The following AOC1 variants were observed in gnomAD, a reference collection of about 807,000 sequenced individuals.
The protein encoded by AOC1 is diamine oxidase [copper-containing].
AOC1 carries 58 observed loss-of-function variants against 57.1 expected under a neutral mutation model. The observed-to-expected ratio is 1.02, with a 90% CI of 0.82 to 1.26. The LOEUF (loss-of-function observed/expected upper bound fraction) is 1.26, where lower values mean the gene tolerates loss of function less well. Among genes scored for constraint, AOC1 ranks in the 50% most tolerant of loss-of-function variants. AOC1 has a pLI of 0.00. For synonymous variants in AOC1, 401 were observed against 423.4 expected (o/e 0.95, Z 0.65); for missense variants, 917 against 1,005.3 (o/e 0.91, Z 1.19).
rs1273757747 is a variant in AOC1 at position 150,856,423 on chromosome 7, C to T, written c.-16-32C>T. ...GGGAAGCCCATCTCTGCCCATAAGACAACTAAGTTCATCTCCTCTATTGCA... is the reference window on the plus strand; with the variant it reads ...GGGAAGCCCATCTCTGCCCATAAGATAACTAAGTTCATCTCCTCTATTGCA... On this transcript the variant is annotated intron_variant, in intron 1 of 4. Transcript: ENST00000360937. The surrounding 1 kb of genome is among the most constrained non-coding windows in gnomAD (Gnocchi z 5.2). 6.4e-7 allele frequency: 1 copy of T among 1,560,074 alleles called. No individual in the cohort carries two copies. The highest frequency in any genetic ancestry group is 2.2e-5 in the East Asian group (1 of 44,576).
At chr7:150,860,187 A>AAAAAG (rs370129210) in intron 3 of AOC1, among the ~76,000 whole-genome samples, 4 of 144,006 alleles carry the variant, frequency 2.8e-5, no homozygotes, top group South Asian at 2.1e-4. Context: ...AAAAAAAAAG[A>AAAAAG]AAAAGAAAAG....
rs751237363 is a variant in AOC1, at chr7:150,856,853, T to C, written c.383T>C (p.Leu128Pro). Residue 128 changes from leucine (L) to proline (P), a missense_variant, in exon 2 of 5, where the codon CTG becomes CCG. Coordinates refer to ENST00000360937, the MANE Select transcript of AOC1 (RefSeq NM_001091.4). The surrounding 1 kb of genome is among the most constrained non-coding windows in gnomAD (Gnocchi z 5.2). ...PLPGPCYMRA[L>P]SPRPGYQSSW... ...CCAGGGCCCTGCTACATGCGAGCAC[T>C]GTCCCCCAGGCCTGGGTACCAGTCC... The C allele has an allele frequency of 8.7e-6, 14 of 1,614,050 alleles. No homozygotes were observed. In the South Asian group the frequency reaches 9.9e-5, roughly 11 times the overall value.
At chr7:150,853,555 T>G (rs1418215156) in intron 1 of AOC1, among the ~76,000 whole-genome samples, 2 of 149,202 alleles carry the variant, frequency 1.3e-5, no homozygotes, top group Non-Finnish European at 1.5e-5. Context: ...AAAAGTCTAT[T>G]AAAAAAAAAG....
rs760642299 is a variant in AOC1, at chr7:150,857,827, C to A, written c.1357C>A (p.Arg453=). 4.3e-6 allele frequency: 7 copies of A among 1,614,018 alleles called. No individual in the cohort carries two copies. The highest frequency in any genetic ancestry group is 5.1e-6 in the Non-Finnish European group (6 of 1,179,972). The part of the protein sequence containing the change: ...AGLKGQVLVL[R]TTSTVYNYDY... ...GCTGAAGGGCCAGGTGCTGGTGCTG[C>A]GGACAACTTCAACTGTCTACAATTA... The change falls in exon 2 of 5, where the codon CGG becomes AGG. Residue 453 remains arginine, a synonymous_variant. Coordinates refer to ENST00000360937, the MANE Select transcript of AOC1 (RefSeq NM_001091.4). This position sits in a 1 kb window ranked among gnomAD's most constrained non-coding sequence, Gnocchi z 6.6.
rs1472525163 is a variant in AOC1, at chr7:150,859,020, C to G, written c.1828C>G (p.Gln610Glu). ...CGACCAGGTGCTGCCCCCAGGCTGGCAGGAGGAGCAGGCCATCACCTGGGC... is the reference window on the plus strand; with the variant it reads ...CGACCAGGTGCTGCCCCCAGGCTGGGAGGAGGAGCAGGCCATCACCTGGGC... ...MADQVLPPGW[Q>E]EEQAITWARY... Residue 610 changes from glutamine to glutamate, a missense_variant, in exon 3 of 5, where the codon CAG (glutamine) becomes GAG (glutamate). Coordinates refer to ENST00000360937, the MANE Select transcript of AOC1 (RefSeq NM_001091.4). The G allele has an allele frequency of 2.5e-6, 4 of 1,583,864 alleles. No individual in the cohort carries two copies. The African/African-American group carries it at 5.4e-5, about 21-fold the overall frequency.
chr7:150,857,675 A>G lies in AOC1; in HGVS notation c.1205A>G (p.His402Arg), dbSNP rs747075866. The G allele has an allele frequency of 1.9e-6, 3 of 1,614,022 alleles. No individual in the cohort carries two copies. The highest frequency in any genetic ancestry group is 1.1e-5 in the South Asian group (1 of 91,074). Residue 402 changes from histidine (H) to arginine (R), a missense_variant, in exon 2 of 5, where the codon CAC becomes CGC. His to Arg is a conservative substitution (Grantham distance 29, BLOSUM62 0). Transcript: ENST00000360937. The surrounding 1 kb of genome is among the most constrained non-coding windows in gnomAD (Gnocchi z 6.6). The part of the protein sequence containing the change: ...PETATFLDTF[H>R]YYDADDPVHY... The stretch of plus-strand genomic sequence containing the variant: ...ACCGCCACCTTCCTGGACACTTTCC[A>G]CTACTATGATGCCGATGACCCGGTC...
intron 3 of AOC1, 80 bp from the exon 4 acceptor site, chr7:150,860,421 C>T: frequency 6.2e-7 from 1 of 1,606,176 alleles, no homozygotes; most frequent in South Asian, 1.1e-5. Context: ...TCTATTCTGA[C>T]CCTGAGGCTG....
In AOC1 at chr7:150,858,835, G is replaced by C. The variant is rs779649092; in HGVS notation, c.1643G>C (p.Arg548Pro). Residue 548 changes from arginine (R) to proline (P), a missense_variant, in exon 3 of 5, where the codon CGC becomes CCC. Arg to Pro is a moderately radical substitution (Grantham distance 103). Coordinates refer to ENST00000360937, the MANE Select transcript of AOC1 (RefSeq NM_001091.4). ...NITNPWSPRH[R>P]VVQPTLEQTQ... Reference sequence around the variant, plus strand: ...ACCAACCCCTGGAGCCCAAGACACCGCGTGGTCCAGCCAACTCTGGAGCAG... The same window carrying C: ...ACCAACCCCTGGAGCCCAAGACACCCCGTGGTCCAGCCAACTCTGGAGCAG... 4 of 1,613,734 alleles carry C rather than the reference G, an allele frequency of 2.5e-6. No homozygotes were observed. The Admixed American group carries it at 5.0e-5, about 20-fold the overall frequency.
rs200258999 is a variant in AOC1 at position 150,858,894 on chromosome 7, C to T, written c.1702C>T (p.Arg568Cys). 2.2e-4 allele frequency: 352 copies of T among 1,613,614 alleles called. 1 individual carries two copies. In the Middle Eastern group the frequency reaches 4.1e-3, roughly 19 times the overall value. ...QYSWERQAAF[R>C]FKRKLPKYLL... Reference sequence around the variant, plus strand: ...CTCCTGGGAGCGCCAGGCGGCCTTCCGCTTCAAAAGGAAGCTGCCTAAGTA... The same window carrying T: ...CTCCTGGGAGCGCCAGGCGGCCTTCTGCTTCAAAAGGAAGCTGCCTAAGTA... Residue 568 changes from arginine to cysteine, a missense_variant, in exon 3 of 5, where the codon CGC becomes TGC. Physicochemically the swap from Arg to Cys is radical, Grantham distance 180. Coordinates refer to ENST00000360937, the MANE Select transcript of AOC1 (RefSeq NM_001091.4).
At position 150,861,002 on chromosome 7, in the gene AOC1, C is replaced by A. The variant is rs779280780; in HGVS notation, c.2049C>A (p.Pro683=). The A allele has an allele frequency of 6.2e-7, 1 of 1,613,908 alleles. No homozygotes were observed. Among genetic ancestry groups the A allele is most frequent in the African/African-American group, 1.3e-5 (1 of 74,972 alleles). Residue 683 remains proline (P), a synonymous_variant, in exon 5 of 5, where the codon CCC becomes CCA. Transcript: ENST00000360937. The surrounding 1 kb of genome is among the most constrained non-coding windows in gnomAD (Gnocchi z 4.5). ...ACATCCCCCACTCAGAGGACATTCCCAACACAGCCACACCTGGGAACTCCG... is the reference window on the plus strand; with the variant it reads ...ACATCCCCCACTCAGAGGACATTCCAAACACAGCCACACCTGGGAACTCCG... ...FLHIPHSEDI[P]NTATPGNSVG...
chr7:150,858,328 C>G (rs1160748668), intron 2 of AOC1, among the ~76,000 whole-genome samples: 1 of 152,124 alleles, frequency 6.6e-6, no homozygotes, highest in Non-Finnish European at 1.5e-5. Flanking sequence ...ATGTCACTGT[C>G]TAGCGCTTTG....
intron 2 of AOC1, among the ~76,000 whole-genome samples, 174 bp downstream of exon 2, chr7:150,858,214 C>T (rs1157103883): frequency 6.6e-6 from 1 of 152,154 alleles, no homozygotes; most frequent in African/African-American, 2.4e-5. Context: ...ATGGTGAAAG[C>T]GAACAGTGCC....
rs1799794341 is a variant in AOC1 at position 150,856,908 on chromosome 7, A to G, written c.438A>G (p.Ala146=). ...SSWASRPIST[A]EYALLYHTLQ... ...GGGCATCGAGGCCCATCTCCACAGC[A>G]GAGTATGCCCTCCTCTACCACACCC... Residue 146 remains alanine (A), a synonymous_variant, in exon 2 of 5, where the codon GCA becomes GCG. Coordinates refer to ENST00000360937, the MANE Select transcript of AOC1 (RefSeq NM_001091.4). This position sits in a 1 kb window ranked among gnomAD's most constrained non-coding sequence, Gnocchi z 5.2. The G allele has an allele frequency of 6.2e-7, 1 of 1,614,116 alleles. No individual in the cohort carries two copies. The highest frequency in any genetic ancestry group is 8.5e-7 in the Non-Finnish European group (1 of 1,179,982).
Position 150,861,390 on chromosome 7 carries a change from GCA to G in AOC1, c.*192_*193del, listed in dbSNP as rs146490557. The G allele has an allele frequency of 3.1e-4, 194 of 623,182 alleles. No homozygotes were observed. Among genetic ancestry groups the G allele is most frequent in the South Asian group, 7.0e-4 (25 of 35,680 alleles). The allele number at this position is 623,182 out of a possible 1,614,324, so 38.6% of individuals were successfully genotyped here. A position where few individuals can be genotyped will look rare whatever the true frequency, so the allele number is the denominator to read the frequency against. ...CAGACGTGCACACACACACAGACAT[GCA>G]CACACACACAGACGTGCACACACAC... is the stretch of plus-strand genomic sequence containing the variant. On this transcript the variant is annotated 3_prime_UTR_variant, in exon 5 of 5. Transcript: ENST00000360937. The surrounding 1 kb of genome is among the most constrained non-coding windows in gnomAD (Gnocchi z 4.5).
chr7:150,856,043 G>A lies in AOC1; in HGVS notation c.-16-412G>A, dbSNP rs924825082. On this transcript the variant is annotated intron_variant, in intron 1 of 4. Transcript: ENST00000360937. This position sits in a 1 kb window ranked among gnomAD's most constrained non-coding sequence, Gnocchi z 5.2. Reference sequence around the variant, plus strand: ...AATCTGTCTACCTAAAAGGTATTTCGTTGTGTCAGAAATGTAGTTTTGCTG... The same window carrying A: ...AATCTGTCTACCTAAAAGGTATTTCATTGTGTCAGAAATGTAGTTTTGCTG... Among the ~76,000 whole-genome samples the A allele has an allele frequency of 5.9e-5, 9 of 152,104 alleles. No homozygotes were observed. Among genetic ancestry groups the A allele is most frequent in the African/African-American group, 1.9e-4 (8 of 41,422 alleles).
At chr7:150,855,487 G>A (rs1369326805) in intron 1 of AOC1, among the ~76,000 whole-genome samples, 1 of 152,186 alleles carries the variant, frequency 6.6e-6, no homozygotes, top group African/African-American at 2.4e-5. Flanking sequence ...CTTGGGGAAT[G>A]GGGTTATGAG....
In AOC1 at chr7:150,857,509, G is replaced by A. The variant is rs2116833887; in HGVS notation, c.1039G>A (p.Ala347Thr). 2 of 1,613,924 alleles carry A rather than the reference G, an allele frequency of 1.2e-6. No individual in the cohort carries two copies. Among genetic ancestry groups the A allele is most frequent in the East Asian group, 4.5e-5 (2 of 44,886 alleles). ...CGTGCACTTCGGCGGAGAGCGCATT[G>A]CCTATGAGGTCAGCGTGCAAGAGGC... ...LNVHFGGERI[A>T]YEVSVQEAVA... The change falls in exon 2 of 5, where the codon GCC becomes ACC. Residue 347 changes from alanine to threonine, a missense_variant. Physicochemically the swap from Ala to Thr is moderately conservative, Grantham distance 58. Coordinates refer to ENST00000360937, the MANE Select transcript of AOC1 (RefSeq NM_001091.4). This position sits in a 1 kb window ranked among gnomAD's most constrained non-coding sequence, Gnocchi z 6.6.
At chr7:150,854,171 G>A (rs561842442) in intron 1 of AOC1, 4 of 152,338 alleles carry the variant, frequency 2.6e-5, no homozygotes, top group African/African-American at 9.6e-5. Flanking sequence ...CAGGTAAGCA[G>A]GGCCTCCGAG....
rs1341225594 is a variant in AOC1, at chr7:150,860,181, A to T, written c.1857-320A>T. The stretch of plus-strand genomic sequence containing the variant: ...GTGACAGAGCAAAACTCCATCAAAA[A>T]AAAAGAAAAAGAAAAGAAAAGAAGG... On this transcript the variant is annotated intron_variant, in intron 3 of 4. Coordinates refer to ENST00000360937, the MANE Select transcript of AOC1 (RefSeq NM_001091.4). 2.7e-5 allele frequency among the ~76,000 whole-genome samples: 4 copies of T among 148,442 alleles called. No homozygotes were observed. In the East Asian group the frequency reaches 7.7e-4, roughly 29 times the overall value.
Sources: allele counts gnomAD v4.1 joint callset (sites outside exome capture counted in the v4.1 genomes callset), GRCh38; gene constraint gnomAD v4.1.1; non-coding constraint Gnocchi (gnomAD v3.1); transcripts MANE v1.5; gene names NCBI Gene and HGNC (gene_info 2026-07-23, HGNC 2026-07-21).